CHD3: variants seen among roughly 807,000 people sequenced by gnomAD.
The protein encoded by CHD3 is chromodomain helicase DNA binding protein 3.
Under a neutral mutation model 248.9 loss-of-function variants are expected in CHD3, and 52 were observed. The ratio of observed to expected loss-of-function variants is 0.21; its 90% CI spans 0.17 to 0.26. CHD3 has a LOEUF of 0.26. Ranked by LOEUF, CHD3 falls within the 10% of genes least tolerant of loss-of-function variation. CHD3 has a pLI of 1.00. For synonymous variants in CHD3, 985 were observed against 985.2 expected, an observed-to-expected ratio of 1.00 and a Z score of 0.00; for missense variants, 1,482 against 2,605.8, an observed-to-expected ratio of 0.57 and a Z score of 9.39.
In CHD3 at chr17:7,905,281, G is replaced by C; in HGVS notation, c.4138+116G>C. 5 of 910,332 alleles carry C rather than the reference G, an allele frequency of 5.5e-6. No homozygotes were observed. Among genetic ancestry groups the C allele is most frequent in the East Asian group, 2.5e-5 (1 of 39,376 alleles). The allele number at this position is 910,332 out of a possible 1,614,324, so 56.4% of individuals were successfully genotyped here. ...TCTTCGTGTGTGTGTGGAAAAACTC[G>C]ATTGCAGATGAGCAGAAAGGAAGAA... On this transcript the variant is annotated intron_variant, in intron 26 of 39. Transcript: ENST00000330494. This position sits in a 1 kb window ranked among gnomAD's most constrained non-coding sequence, Gnocchi z 5.8.
At chr17:7,886,145 G>T (rs916219401), upstream of CHD3, among the ~76,000 whole-genome samples, 3 of 152,280 alleles carry the variant, frequency 2.0e-5, no homozygotes, top group Admixed American at 2.0e-4. This position sits in a 1 kb window ranked among gnomAD's most constrained non-coding sequence, Gnocchi z 4.2. Flanking sequence ...CACGTTGGGG[G>T]GCGTGAACTG....
intron 5 of CHD3, 47 bp downstream of exon 5, chr17:7,893,616 A>T (rs1156563550): frequency 1.3e-6 from 2 of 1,536,206 alleles, no homozygotes; most frequent in Admixed American, 4.1e-5. Flanking sequence ...TCCAAACTGC[A>T]TGTCTTCACA....
Position 7,905,583 on chromosome 17 carries a change from G to T in CHD3, c.4139-38G>T, listed in dbSNP as rs1447040656. 2.0e-6 allele frequency: 3 copies of T among 1,478,562 alleles called. No individual in the cohort carries two copies. Among genetic ancestry groups the T allele is most frequent in the South Asian group, 1.3e-5 (1 of 77,848 alleles). 91.6% of individuals were successfully genotyped at this position (1,478,562 alleles called of 1,614,324 possible). Reference sequence around the variant, plus strand: ...TAAGGAGGACTGAGGCTTAGAGGAGGTGGTGGCTCAGCTAACTGATGTCAT... The same window carrying T: ...TAAGGAGGACTGAGGCTTAGAGGAGTTGGTGGCTCAGCTAACTGATGTCAT... On this transcript the variant is annotated intron_variant, in intron 26 of 39. Coordinates refer to ENST00000330494, the MANE Select transcript of CHD3 (RefSeq NM_001005273.3). This position sits in a 1 kb window ranked among gnomAD's most constrained non-coding sequence, Gnocchi z 5.8.
In CHD3 at chr17:7,907,077, A is replaced by C. The variant is rs1376247104; in HGVS notation, c.4666+46A>C. ...TGGGAGAGACAGAAAGGGAGCCAGG[A>C]GTCAGGGCGGGAGAATCTCTGTCTT... On this transcript the variant is annotated intron_variant, in intron 30 of 39. Transcript: ENST00000330494. This position sits in a 1 kb window ranked among gnomAD's most constrained non-coding sequence, Gnocchi z 4.3. 1 of 1,613,916 alleles carries C rather than the reference A, an allele frequency of 6.2e-7. No individual in the cohort carries two copies. The highest frequency in any genetic ancestry group is 8.5e-7 in the Non-Finnish European group (1 of 1,179,834).
At position 7,890,564 on chromosome 17, in the gene CHD3, C is replaced by A. The variant is rs902202379; in HGVS notation, c.214-7C>A. ...GAATAAATGTTATTTTTATTTCTTTCTCTTAGGACAGTGAGGAGGAATTTG... is the reference window on the plus strand; with the variant it reads ...GAATAAATGTTATTTTTATTTCTTTATCTTAGGACAGTGAGGAGGAATTTG... On this transcript the variant is annotated splice_region_variant and splice_polypyrimidine_tract_variant and intron_variant, in intron 2 of 39. Coordinates refer to ENST00000330494, the MANE Select transcript of CHD3 (RefSeq NM_001005273.3). 8 of 1,563,470 alleles carry A rather than the reference C, an allele frequency of 5.1e-6. No individual in the cohort carries two copies. The highest frequency in any genetic ancestry group is 2.1e-5 in the Admixed American group (1 of 48,306).
rs763149732 is a variant in CHD3 at position 7,905,203 on chromosome 17, C to T, written c.4138+38C>T. The T allele has an allele frequency of 8.8e-6, 14 of 1,590,882 alleles. No individual in the cohort carries two copies. The highest frequency in any genetic ancestry group is 2.2e-5 in the East Asian group (1 of 44,762). ...TTCCTGACTCTACCTCACCTCTTCC[C>T]GTTTTATTTTCCAGTTTGCTTTAAG... On this transcript the variant is annotated intron_variant, in intron 26 of 39. Transcript: ENST00000330494. This position sits in a 1 kb window ranked among gnomAD's most constrained non-coding sequence, Gnocchi z 5.8.
chr17:7,901,447 T>G (rs1275138379), intron 20 of CHD3, 72 bp downstream of exon 20: 3 of 1,398,464 alleles, frequency 2.1e-6, no homozygotes, highest in Non-Finnish European at 2.9e-6. Flanking sequence ...CTTTAATTTC[T>G]TACGGTCTTC....
chr17:7,894,411 A>G lies in CHD3; in HGVS notation c.1076-4A>G. 6.2e-7 allele frequency: 1 copy of G among 1,609,238 alleles called. No individual in the cohort carries two copies. The highest frequency in any genetic ancestry group is 2.2e-5 in the East Asian group (1 of 44,772). ...CCTTATCCCTCCACCGGGGTATATG[A>G]CAGTCCTGGGCTGTCCTGCAGTGGC... is the stretch of plus-strand genomic sequence containing the variant. On this transcript the variant is annotated splice_region_variant and splice_polypyrimidine_tract_variant and intron_variant, in intron 7 of 39. Coordinates refer to ENST00000330494, the MANE Select transcript of CHD3 (RefSeq NM_001005273.3).
In CHD3 at chr17:7,894,154, G is replaced by A; in HGVS notation, c.964G>A (p.Glu322Lys). The change falls in exon 7 of 40, where the codon GAG becomes AAG. Residue 322 changes from glutamate to lysine, a missense_variant. By Grantham distance (56) the Glu-to-Lys change is moderately conservative. This residue lies in a region of CHD3 where 149 missense variants were observed against 182.6 expected (regional missense o/e 0.82). Coordinates refer to ENST00000330494, the MANE Select transcript of CHD3 (RefSeq NM_001005273.3). ...CGACGAAGGTCCTGAACCAGAGGCT[G>A]AGGAATCAGACCTGGACAGTGGCAG... ...QSDEGPEPEA[E>K]ESDLDSGSVH... 6.2e-7 allele frequency: 1 copy of A among 1,614,198 alleles called. No individual in the cohort carries two copies. The highest frequency in any genetic ancestry group is 1.3e-5 in the African/African-American group (1 of 75,064).
At position 7,897,689 on chromosome 17, in the gene CHD3, G is replaced by A. The variant is rs1321381285; in HGVS notation, c.1920-282G>A. Among the ~76,000 whole-genome samples the A allele has an allele frequency of 6.6e-6, 1 of 152,164 alleles. No homozygotes were observed. Among genetic ancestry groups the A allele is most frequent in the Non-Finnish European group, 1.5e-5 (1 of 68,028 alleles). ...GTTATTTCAATGCTGCCTTCCCCAC[G>A]AGACTCTGAGTTCCATGAGGAAAAT... is the stretch of plus-strand genomic sequence containing the variant. On this transcript the variant is annotated intron_variant, in intron 11 of 39. Coordinates refer to ENST00000330494, the MANE Select transcript of CHD3 (RefSeq NM_001005273.3). This position sits in a 1 kb window ranked among gnomAD's most constrained non-coding sequence, Gnocchi z 4.8.
In CHD3 at chr17:7,897,259, A is replaced by G. The variant is rs201044551; in HGVS notation, c.1884A>G (p.Pro628=). ...AGTACTATCGTTTTGGCATCAAGCC[A>G]GAGTGGATGACCGTCCACCGCATCA... ...EEKYYRFGIK[P]EWMTVHRIIN... is the part of the protein sequence containing the mutation. The change falls in exon 11 of 40, where the codon CCA becomes CCG. Residue 628 remains proline, a synonymous_variant. Transcript: ENST00000330494. This position sits in a 1 kb window ranked among gnomAD's most constrained non-coding sequence, Gnocchi z 4.8. 4.3e-6 allele frequency: 7 copies of G among 1,613,928 alleles called. No homozygotes were observed. The East Asian group carries it at 1.6e-4, about 36-fold the overall frequency.
In CHD3 at chr17:7,905,558, TA is replaced by T; in HGVS notation, c.4139-61del. ...TGTGTATCTTGTGGGAATGGGGTGCTAAGGAGGACTGAGGCTTAGAGGAGGT... is the reference window on the plus strand; with the variant it reads ...TGTGTATCTTGTGGGAATGGGGTGCTAGGAGGACTGAGGCTTAGAGGAGGT... On this transcript the variant is annotated intron_variant, in intron 26 of 39. Coordinates refer to ENST00000330494, the MANE Select transcript of CHD3 (RefSeq NM_001005273.3). This position sits in a 1 kb window ranked among gnomAD's most constrained non-coding sequence, Gnocchi z 5.8. The T allele has an allele frequency of 8.0e-7, 1 of 1,248,232 alleles. No individual in the cohort carries two copies. The highest frequency in any genetic ancestry group is 1.1e-6 in the Non-Finnish European group (1 of 898,108). 77.3% of individuals were successfully genotyped at this position (1,248,232 alleles called of 1,614,324 possible). A position where few individuals can be genotyped will look rare whatever the true frequency, so the allele number is the denominator to read the frequency against.
At chr17:7,886,224 G>A (rs7503751), upstream of CHD3, among the ~76,000 whole-genome samples, 7,913 of 152,322 alleles carry the variant, frequency 0.052, 282 homozygotes, top group Non-Finnish European at 0.083. The surrounding 1 kb of genome is among the most constrained non-coding windows in gnomAD (Gnocchi z 4.2). Context: ...GTCACCCGGC[G>A]GCACTCTCTG....
chr17:7,894,791 T>C, intron 8 of CHD3, 126 bp from the exon 9 acceptor site: 1 of 1,461,420 alleles, frequency 6.8e-7, no homozygotes. Flanking sequence ...TGGAGTGTCC[T>C]TTTCCTTAGT....
At position 7,906,846 on chromosome 17, in the gene CHD3, A is replaced by C; in HGVS notation, c.4504-23A>C. 1.9e-6 allele frequency: 3 copies of C among 1,613,564 alleles called. No individual in the cohort carries two copies. In the African/African-American group the frequency reaches 4.0e-5, roughly 22 times the overall value. On this transcript the variant is annotated intron_variant, in intron 29 of 39. Transcript: ENST00000330494. This position sits in a 1 kb window ranked among gnomAD's most constrained non-coding sequence, Gnocchi z 5.0. ...TGTAAGCGCCTGGAGCTGACACCTA[A>C]CCCTCCCACCCTGCCACCCCAGGTG...
In CHD3 at chr17:7,889,899, C is replaced by T. The variant is rs957013329; in HGVS notation, c.213+123C>T. ...GGTTCTGAAGCCAGGGAGGCTTGATCCCCCGGGCCCCCCACTTCCCTGCCA... is the reference window on the plus strand; with the variant it reads ...GGTTCTGAAGCCAGGGAGGCTTGATTCCCCGGGCCCCCCACTTCCCTGCCA... On this transcript the variant is annotated intron_variant, in intron 2 of 39. Transcript: ENST00000330494. The surrounding 1 kb of genome is among the most constrained non-coding windows in gnomAD (Gnocchi z 4.5). The T allele has an allele frequency of 5.7e-6, 5 of 870,998 alleles. No homozygotes were observed. Among genetic ancestry groups the T allele is most frequent in the East Asian group, 5.3e-5 (2 of 37,534 alleles). 54.0% of individuals were successfully genotyped at this position (870,998 alleles called of 1,614,324 possible).
chr17:7,891,180 T>C (rs1663773074), intron 4 of CHD3, 116 bp downstream of exon 4: 1 of 1,216,362 alleles, frequency 8.2e-7, no homozygotes, highest in East Asian at 2.4e-5. Flanking sequence ...TCACGGTGTA[T>C]ACACACCAAA....
In CHD3 at chr17:7,910,468, G is replaced by A. The variant is rs369541480; in HGVS notation, c.5631G>A (p.Ala1877=). 5.6e-5 allele frequency: 91 copies of A among 1,613,888 alleles called. No individual in the cohort carries two copies. Among genetic ancestry groups the A allele is most frequent in the African/African-American group, 9.4e-5 (7 of 74,862 alleles). ...QLEELLSDMK[A]DVTRLPATLS... is the part of the protein sequence containing the mutation. ...AGGAGTTGCTGAGCGACATGAAGGCGGACGTGACCCGCCTGCCAGCCACGC... is the reference window on the plus strand; with the variant it reads ...AGGAGTTGCTGAGCGACATGAAGGCAGACGTGACCCGCCTGCCAGCCACGC... The change falls in exon 38 of 40, where the codon GCG becomes GCA. Residue 1877 remains alanine, a synonymous_variant. Transcript: ENST00000330494. This position sits in a 1 kb window ranked among gnomAD's most constrained non-coding sequence, Gnocchi z 4.7.
Position 7,905,514 on chromosome 17 carries a change from G to A in CHD3, c.4139-107G>A, listed in dbSNP as rs60280836. Reference sequence around the variant, plus strand: ...AGAGAATTGGGAGCACCTCAAACGTGACAGGAATGTTCCTGTGTTGTGTAT... The same window carrying A: ...AGAGAATTGGGAGCACCTCAAACGTAACAGGAATGTTCCTGTGTTGTGTAT... On this transcript the variant is annotated intron_variant, in intron 26 of 39. Coordinates refer to ENST00000330494, the MANE Select transcript of CHD3 (RefSeq NM_001005273.3). This position sits in a 1 kb window ranked among gnomAD's most constrained non-coding sequence, Gnocchi z 5.8. 1.1e-3 allele frequency: 904 copies of A among 843,656 alleles called. 9 individuals carry two copies. In the African/African-American group the frequency reaches 0.014, roughly 13 times the overall value. The allele number at this position is 843,656 out of a possible 1,614,324, so 52.3% of individuals were successfully genotyped here.
Sources: gnomAD v4.1 joint callset for allele counts (sites outside exome capture counted in the v4.1 genomes callset) on GRCh38, gnomAD v4.1.1 for gene constraint, gnomAD v4.1.1 regional missense constraint, Gnocchi (gnomAD v3.1) non-coding constraint, MANE v1.5 for transcripts, NCBI Gene and HGNC (gene_info 2026-07-23, HGNC 2026-07-21) for gene names.